RUSC2: variants seen among roughly 807,000 people sequenced by gnomAD.
The protein encoded by RUSC2 is RUN and SH3 domain containing 2.
A neutral mutation model predicts 122.2 loss-of-function variants in RUSC2; 34 were observed. The observed-to-expected ratio is 0.28, with a 90% CI of 0.21 to 0.37. RUSC2 has a LOEUF of 0.37. RUSC2 is among the 10% of genes least tolerant of loss of function. The pLI is 1.00. For synonymous variants in RUSC2, 784 were observed against 790.0 expected (o/e 0.99, Z 0.13); for missense variants, 1,747 against 1,952.4 (o/e 0.89, Z 1.98).
At chr9:35,538,989 C>T (rs1316002227) in intron 1 of RUSC2, 1 of 152,250 alleles carries the variant, frequency 6.6e-6, no homozygotes, top group Non-Finnish European at 1.5e-5. Context: ...AGGAAATCGG[C>T]CCAGTTCCCC....
At chr9:35,539,235 G>A (rs1257352912) in intron 1 of RUSC2, 5 of 134,816 alleles carry the variant, frequency 3.7e-5, no homozygotes, top group East Asian at 2.7e-4. Context: ...GTGCGGGGGG[G>A]GATAAAGGGG....
rs772001899 is a variant in RUSC2, at chr9:35,559,269, G to A, written c.3385G>A (p.Glu1129Lys). The stretch of plus-strand genomic sequence containing the variant: ...CTGGTTTAATCACCTCTATAACCAC[G>A]AAGGTAATGCCTAGAACCCTGCAGG... ...EFWFNHLYNHEDIIQTHYQPW... is the reference protein window; with the variant it reads ...EFWFNHLYNHKDIIQTHYQPW... The change falls in exon 9 of 12, where the codon GAA becomes AAA. Residue 1129 changes from glutamate to lysine, a missense_variant. Physicochemically the swap from Glu to Lys is moderately conservative, Grantham distance 56. Transcript: ENST00000361226. 5 of 1,612,680 alleles carry A rather than the reference G, an allele frequency of 3.1e-6. No homozygotes were observed. The highest frequency in any genetic ancestry group is 1.1e-5 in the South Asian group (1 of 91,056).
intron 1 of RUSC2, among the ~76,000 whole-genome samples, chr9:35,533,003 T>C (rs573813943): frequency 1.3e-5 from 2 of 152,108 alleles, no homozygotes; most frequent in East Asian, 3.9e-4. Context: ...CCTAGCACTT[T>C]GGGAGGCCTA....
chr9:35,514,324 A>C (rs1821064846), intron 1 of RUSC2, among the ~76,000 whole-genome samples: 1 of 152,196 alleles, frequency 6.6e-6, no homozygotes, highest in Non-Finnish European at 1.5e-5. Flanking sequence ...ATGGAGGGGC[A>C]GTGTTCCAAT....
chr9:35,543,475 A>G (rs1821684644), intron 1 of RUSC2, among the ~76,000 whole-genome samples: 2 of 152,242 alleles, frequency 1.3e-5, no homozygotes. Context: ...TTTATTACAT[A>G]CAAATTAGAA....
rs1041805577 is a variant in RUSC2 at position 35,557,357 on chromosome 9, G to A, written c.2984-557G>A. ...GAAGGGGATGCAAGTGGGCAGGGGA[G>A]TGAGGGGTGTACATATGAGATTGTT... On this transcript the variant is annotated intron_variant, in intron 5 of 11. Coordinates refer to ENST00000361226, the MANE Select transcript of RUSC2 (RefSeq NM_014806.5). The surrounding 1 kb of genome is among the most constrained non-coding windows in gnomAD (Gnocchi z 4.6). Among the ~76,000 whole-genome samples, 1 of 152,170 alleles carries A rather than the reference G, an allele frequency of 6.6e-6. No homozygotes were observed. Among genetic ancestry groups the A allele is most frequent in the African/African-American group, 2.4e-5 (1 of 41,442 alleles).
At chr9:35,545,550 G>A (rs1821727070) in intron 1 of RUSC2, among the ~76,000 whole-genome samples, 1 of 152,156 alleles carries the variant, frequency 6.6e-6, no homozygotes, top group Non-Finnish European at 1.5e-5. Flanking sequence ...ACTTTCTAGT[G>A]GATCCCAGTA....
intron 1 of RUSC2, among the ~76,000 whole-genome samples, chr9:35,536,119 A>C (rs1353469271): frequency 6.6e-6 from 1 of 152,240 alleles, no homozygotes; most frequent in Non-Finnish European, 1.5e-5. Context: ...TTGCTGATGA[A>C]GTTTGCCATC....
intron 1 of RUSC2, among the ~76,000 whole-genome samples, chr9:35,501,818 T>C (rs1649670206): frequency 1.3e-5 from 2 of 152,160 alleles, no homozygotes; most frequent in African/African-American, 4.8e-5. Context: ...GAACCAGAAA[T>C]GAATTATAGA....
In RUSC2 at chr9:35,546,854, G is replaced by C. The variant is rs755665166; in HGVS notation, c.333G>C (p.Glu111Asp). The change falls in exon 2 of 12, where the codon GAG becomes GAC. Residue 111 changes from glutamate (E) to aspartate (D), a missense_variant. Glu to Asp is a conservative substitution (Grantham distance 45). Coordinates refer to ENST00000361226, the MANE Select transcript of RUSC2 (RefSeq NM_014806.5). This position sits in a 1 kb window ranked among gnomAD's most constrained non-coding sequence, Gnocchi z 4.3. ...NPFLLQEGVG[E>D]PGLGDLYDDS... ...TCTTGCTGCAGGAGGGTGTGGGTGAGCCAGGACTTGGTGACCTGTATGATG... is the reference window on the plus strand; with the variant it reads ...TCTTGCTGCAGGAGGGTGTGGGTGACCCAGGACTTGGTGACCTGTATGATG... 1 of 1,608,412 alleles carries C rather than the reference G, an allele frequency of 6.2e-7. No homozygotes were observed.
rs1432126709 is a variant in RUSC2 at position 35,561,737 on chromosome 9, G to GTAAC, written c.*356_*359dup. The GTAAC allele has an allele frequency of 5.6e-6, 3 of 539,024 alleles. No individual in the cohort carries two copies. The highest frequency in any genetic ancestry group is 3.8e-5 in the African/African-American group (2 of 53,014). The allele number at this position is 539,024 out of a possible 1,614,324, so 33.4% of individuals were successfully genotyped here. ...CTAGGCCAGGTGGAGATGAGGATGG[G>GTAAC]TAACAGTATTGGGGCCAGATCCCTA... On this transcript the variant is annotated 3_prime_UTR_variant, in exon 12 of 12. Coordinates refer to ENST00000361226, the MANE Select transcript of RUSC2 (RefSeq NM_014806.5).
At position 35,505,378 on chromosome 9, in the gene RUSC2, C is replaced by T. The variant is rs183340802; in HGVS notation, c.-93+15206C>T. On this transcript the variant is annotated intron_variant, in intron 1 of 11. Transcript: ENST00000361226. ...TAACTGAGATCCCTTCCTTAGTCCC[C>T]GACCCCACCACATATTTCTACTCCT... Among the ~76,000 whole-genome samples the T allele has an allele frequency of 7.0e-4, 107 of 152,210 alleles. 1 individual carries two copies. The highest frequency in any genetic ancestry group is 2.4e-3 in the African/African-American group (101 of 41,542).
At chr9:35,521,545 G>A in intron 1 of RUSC2, among the ~76,000 whole-genome samples, 1 of 152,170 alleles carries the variant, frequency 6.6e-6, no homozygotes, top group East Asian at 1.9e-4. Context: ...TGGGCGCCTG[G>A]GGTCTTTTAC....
In RUSC2 at chr9:35,546,687, G is replaced by A. The variant is rs746467954; in HGVS notation, c.166G>A (p.Asp56Asn). 1.9e-5 allele frequency: 29 copies of A among 1,560,332 alleles called. No homozygotes were observed. Among genetic ancestry groups the A allele is most frequent in the South Asian group, 4.9e-5 (4 of 80,858 alleles). The change falls in exon 2 of 12, where the codon GAT becomes AAT. Residue 56 changes from aspartate (D) to asparagine (N), a missense_variant. By Grantham distance (23) the Asp-to-Asn change is conservative. Transcript: ENST00000361226. The surrounding 1 kb of genome is among the most constrained non-coding windows in gnomAD (Gnocchi z 4.3). ...ACCTGAGCTGGGCATCACCCAGCCC[G>A]ATCAAGACCTAGGACAAGCTGACTC... Reference protein sequence around the residue: ...CPPELGITQPDQDLGQADSLL... With the variant: ...CPPELGITQPNQDLGQADSLL...
At chr9:35,520,852 A>G (rs540688777) in intron 1 of RUSC2, among the ~76,000 whole-genome samples, 1 of 152,126 alleles carries the variant, frequency 6.6e-6, no homozygotes, top group East Asian at 1.9e-4. Flanking sequence ...CTGCTCACCT[A>G]CACCTAGCAT....
chr9:35,556,832 A>G (rs1288946721), intron 5 of RUSC2, among the ~76,000 whole-genome samples: 1 of 152,252 alleles, frequency 6.6e-6, no homozygotes, highest in Non-Finnish European at 1.5e-5. Context: ...CCTTTTCAAA[A>G]GAAAACCACA....
intron 1 of RUSC2, among the ~76,000 whole-genome samples, chr9:35,516,022 A>AAAAAAAAAAAAAAGAAAG (rs1554724501): frequency 7.9e-5 from 10 of 127,106 alleles, no homozygotes; most frequent in Non-Finnish European, 1.5e-4. Context: ...AAAAAAAAAA[A>AAAAAAAAAAAAAAGAAAG]AGAGAAATGC....
chr9:35,553,177 G>A (rs1821936503), intron 2 of RUSC2, among the ~76,000 whole-genome samples: 1 of 152,174 alleles, frequency 6.6e-6, no homozygotes, highest in Non-Finnish European at 1.5e-5. Flanking sequence ...TGAAGGGAGA[G>A]CAGCCTAGCT....
chr9:35,495,509 G>C (rs1820692928), intron 1 of RUSC2, among the ~76,000 whole-genome samples: 1 of 151,458 alleles, frequency 6.6e-6, no homozygotes, highest in Non-Finnish European at 1.5e-5. Flanking sequence ...GGGCTCTCTA[G>C]TCTCTTCCAT....
Sources: allele counts gnomAD v4.1 joint callset (sites outside exome capture counted in the v4.1 genomes callset), GRCh38; gene constraint gnomAD v4.1.1; non-coding constraint Gnocchi (gnomAD v3.1); transcripts MANE v1.5; gene names NCBI Gene and HGNC (gene_info 2026-07-23, HGNC 2026-07-21).